LPAR1: variants seen among roughly 807,000 people sequenced by gnomAD.
LPAR1 encodes lysophosphatidic acid receptor 1, also known as LPA receptor 1.
LPAR1 carries 5 observed loss-of-function variants against 23.8 expected under a neutral mutation model. The ratio of observed to expected loss-of-function variants is 0.21; its 90% CI spans 0.11 to 0.44. The LOEUF is 0.44. LPAR1 is among the 20% of genes least tolerant of loss of function. The pLI, the probability that LPAR1 is intolerant of heterozygous loss-of-function variation, is 0.99. For synonymous variants in LPAR1, 160 were observed against 164.7 expected (o/e 0.97, Z 0.22); for missense variants, 311 against 482.8 (o/e 0.64, Z 3.33).
At chr9:111,014,589 T>C (rs184375043) in intron 2 of LPAR1, among the ~76,000 whole-genome samples, 1 of 152,282 alleles carries the variant, frequency 6.6e-6, no homozygotes, top group Admixed American at 6.5e-5. Context: ...CTGGCCTCTC[T>C]TTCAAAGACT....
chr9:111,009,499 TG>T (rs1385489325), intron 2 of LPAR1, among the ~76,000 whole-genome samples: 1 of 152,186 alleles, frequency 6.6e-6, no homozygotes, highest in Non-Finnish European at 1.5e-5. Context: ...TTTTATTTTT[TG>T]AAAAGTGTGG....
At chr9:110,946,683 C>T (rs2095394564) in intron 4 of LPAR1, among the ~76,000 whole-genome samples, 1 of 152,034 alleles carries the variant, frequency 6.6e-6, no homozygotes, top group African/African-American at 2.4e-5. Flanking sequence ...AATAAATACA[C>T]ACACACACAC....
chr9:110,974,679 T>C (rs1223787689), intron 2 of LPAR1, among the ~76,000 whole-genome samples: 1 of 152,184 alleles, frequency 6.6e-6, no homozygotes, highest in Non-Finnish European at 1.5e-5. Context: ...AACACCGAAT[T>C]CCACAGCTGC....
intron 2 of LPAR1, among the ~76,000 whole-genome samples, chr9:110,978,219 G>A (rs1027774201): frequency 2.0e-5 from 3 of 152,164 alleles, no homozygotes; most frequent in South Asian, 2.1e-4. Flanking sequence ...AAGAGTCTGC[G>A]CTAACCAGAA....
Position 110,941,488 on chromosome 9 carries a change from A to G in LPAR1, c.726T>C (p.His242=), listed in dbSNP as rs762850253. ...VRQRTMRMSR[H]SSGPRRNRDT... ...CCCGATTCCGCCGGGGTCCAGAACT[A>G]TGCCGAGACATTCTCATAGTCCTCT... The change falls in exon 5 of 6, where the codon CAT becomes CAC. Residue 242 remains histidine, a synonymous_variant. Transcript: ENST00000683809. This position sits in a 1 kb window ranked among gnomAD's most constrained non-coding sequence, Gnocchi z 6.1. 1.9e-6 allele frequency: 3 copies of G among 1,614,136 alleles called. No individual in the cohort carries two copies. The highest frequency in any genetic ancestry group is 2.5e-6 in the Non-Finnish European group (3 of 1,179,986).
intron 4 of LPAR1, among the ~76,000 whole-genome samples, chr9:110,958,478 G>A (rs2095836430): frequency 6.6e-6 from 1 of 152,136 alleles, no homozygotes; most frequent in Non-Finnish European, 1.5e-5. Flanking sequence ...CTACACTGAG[G>A]AAAGAAACCC....
At chr9:110,904,244 T>C (rs993815777) in intron 5 of LPAR1, among the ~76,000 whole-genome samples, 8 of 152,146 alleles carry the variant, frequency 5.3e-5, no homozygotes, top group Non-Finnish European at 1.0e-4. Context: ...GAAATATGGC[T>C]ACATACGATA....
chr9:111,007,472 A>C (rs1366836932), intron 2 of LPAR1, among the ~76,000 whole-genome samples: 1 of 152,224 alleles, frequency 6.6e-6, no homozygotes, highest in Non-Finnish European at 1.5e-5. Flanking sequence ...AATGGTTGAT[A>C]AACATCCACA....
chr9:110,885,694 C>A (rs145221983), intron 5 of LPAR1, among the ~76,000 whole-genome samples: 247 of 152,334 alleles, frequency 1.6e-3, no homozygotes, highest in African/African-American at 5.6e-3. Context: ...GGGTCACTGC[C>A]TCTTCCTTTT....
intron 2 of LPAR1, among the ~76,000 whole-genome samples, chr9:111,034,426 G>C (rs542066508): frequency 6.6e-6 from 1 of 152,222 alleles, no homozygotes; most frequent in African/African-American, 2.4e-5. Flanking sequence ...ATGTTTTCTT[G>C]GACAGCTCTG....
intron 2 of LPAR1, among the ~76,000 whole-genome samples, chr9:111,024,486 T>C (rs757584603): frequency 1.4e-4 from 21 of 147,196 alleles, no homozygotes; most frequent in African/African-American, 5.2e-4. Flanking sequence ...ATACATATTT[T>C]TATATATTTA....
chr9:110,931,603 A>G (rs575933872), intron 5 of LPAR1, among the ~76,000 whole-genome samples: 31 of 152,314 alleles, frequency 2.0e-4, no homozygotes, highest in Non-Finnish European at 4.0e-4. Flanking sequence ...GCCCATGCCT[A>G]TGTCCTGAAT....
chr9:110,927,403 CAG>C (rs1340712975), intron 5 of LPAR1, among the ~76,000 whole-genome samples: 1 of 152,060 alleles, frequency 6.6e-6, no homozygotes, highest in Non-Finnish European at 1.5e-5. Context: ...GGCTGAAATT[CAG>C]AGAGATTAAG....
intron 5 of LPAR1, among the ~76,000 whole-genome samples, chr9:110,901,998 T>A (rs2089291731): frequency 6.6e-6 from 1 of 151,838 alleles, no homozygotes; most frequent in Admixed American, 6.6e-5. Flanking sequence ...AGTATAAATA[T>A]AAACCCTAGA....
At chr9:111,015,386 C>T (rs974123134) in intron 2 of LPAR1, among the ~76,000 whole-genome samples, 2 of 152,158 alleles carry the variant, frequency 1.3e-5, no homozygotes, top group Admixed American at 6.6e-5. Context: ...AAATGTCTTT[C>T]GTATCTACCT....
chr9:110,921,461 T>C (rs2093626366), intron 5 of LPAR1, among the ~76,000 whole-genome samples: 1 of 152,212 alleles, frequency 6.6e-6, no homozygotes, highest in South Asian at 2.1e-4. Flanking sequence ...ATTTAATAAA[T>C]GTCAGACATT....
chr9:110,975,544 T>C (rs760363717), intron 2 of LPAR1, among the ~76,000 whole-genome samples: 2 of 152,210 alleles, frequency 1.3e-5, no homozygotes, highest in Non-Finnish European at 2.9e-5. Context: ...CTAAGATTCA[T>C]ACTCTTTCCA....
At chr9:110,938,293 G>A (rs1376902655) in intron 5 of LPAR1, among the ~76,000 whole-genome samples, 1 of 152,226 alleles carries the variant, frequency 6.6e-6, no homozygotes, top group Admixed American at 6.5e-5. Context: ...ACTTCGAGTA[G>A]ACCAGAATTC....
At chr9:110,892,532 C>A (rs563538074) in intron 5 of LPAR1, among the ~76,000 whole-genome samples, 1 of 151,884 alleles carries the variant, frequency 6.6e-6, no homozygotes, top group Non-Finnish European at 1.5e-5. Context: ...GGCGAGGTGG[C>A]GTGTGCCTGT....
Sources: allele counts gnomAD v4.1 joint callset (sites outside exome capture counted in the v4.1 genomes callset), GRCh38; gene constraint gnomAD v4.1.1; non-coding constraint Gnocchi (gnomAD v3.1); transcripts MANE v1.5; gene names NCBI Gene and HGNC (gene_info 2026-07-23, HGNC 2026-07-21).